ZMYM2: variants seen among roughly 807,000 people sequenced by gnomAD.
The protein encoded by ZMYM2 is zinc finger MYM-type containing 2.
Under a neutral mutation model 162.8 loss-of-function variants are expected in ZMYM2, and 56 were observed. That is an observed-to-expected ratio of 0.34 (90% CI 0.28 to 0.43). The LOEUF (loss-of-function observed/expected upper bound fraction) is 0.43. Ranked by LOEUF, ZMYM2 falls within the 20% of genes least tolerant of loss-of-function variation. ZMYM2 has a pLI of 1.00. For missense variants in ZMYM2, 1,275 were observed against 1,621.8 expected, an observed-to-expected ratio of 0.79 and a Z score of 3.67; for synonymous variants, 510 against 541.6, an observed-to-expected ratio of 0.94 and a Z score of 0.81.
chr13:20,049,191 C>T (rs1482899449), intron 12 of ZMYM2, among the ~76,000 whole-genome samples: 1 of 151,322 alleles, frequency 6.6e-6, no homozygotes, highest in East Asian at 1.9e-4. Flanking sequence ...TTTTTTCATG[C>T]TGAAAAAATA....
the ZMYM2 span, among the ~76,000 whole-genome samples, chr13:19,943,162 G>A: frequency 4.8e-4 from 73 of 152,226 alleles, no homozygotes; most frequent in South Asian, 3.7e-3. Context: ...CAACATTACA[G>A]TCATATGGCC....
intron 23 of ZMYM2, 73 bp from the exon 24 acceptor site, chr13:20,083,583 A>G: frequency 3.4e-6 from 4 of 1,190,622 alleles, no homozygotes; most frequent in Non-Finnish European, 4.7e-6. Context: ...TTGGTATAAC[A>G]GACACTAGGA....
chr13:19,904,362 G>A, the ZMYM2 span, among the ~76,000 whole-genome samples: 5 of 151,678 alleles, frequency 3.3e-5, no homozygotes, highest in Non-Finnish European at 7.4e-5. Context: ...TTCGCGACCA[G>A]CCTGGCTAAC....
intron 2 of ZMYM2, among the ~76,000 whole-genome samples, chr13:19,987,250 A>G (rs894556902): frequency 4.6e-5 from 7 of 151,934 alleles, no homozygotes; most frequent in African/African-American, 1.7e-4. Context: ...AATAATGTAA[A>G]TAAACAATGC....
At chr13:19,886,929 T>C in the ZMYM2 span, among the ~76,000 whole-genome samples, 1 of 151,706 alleles carries the variant, frequency 6.6e-6, no homozygotes, top group South Asian at 2.1e-4. Flanking sequence ...CCCAAAGTGA[T>C]GGGATTACAG....
At chr13:19,987,930 A>G (rs1006398600) in intron 2 of ZMYM2, among the ~76,000 whole-genome samples, 2 of 152,226 alleles carry the variant, frequency 1.3e-5, no homozygotes, top group Admixed American at 6.5e-5. Context: ...TTAAAGCAGT[A>G]ATAAATGTAT....
intron 12 of ZMYM2, among the ~76,000 whole-genome samples, chr13:20,040,470 G>T (rs1451303985): frequency 2.7e-4 from 41 of 151,726 alleles, no homozygotes; most frequent in Admixed American, 2.7e-3. Flanking sequence ...GTTTATTTGG[G>T]TCTTCTCTCT....
the ZMYM2 span, among the ~76,000 whole-genome samples, chr13:19,878,773 C>T: frequency 1.3e-5 from 2 of 152,232 alleles, no homozygotes; most frequent in East Asian, 1.9e-4. Flanking sequence ...CCACCTACCT[C>T]GGACTCCCAA....
the ZMYM2 span, among the ~76,000 whole-genome samples, chr13:19,939,780 C>T: frequency 6.6e-6 from 1 of 152,146 alleles, no homozygotes; most frequent in Non-Finnish European, 1.5e-5. Context: ...TTATATAGTG[C>T]TTCCAATGTA....
the ZMYM2 span, among the ~76,000 whole-genome samples, chr13:19,926,907 A>C: frequency 6.6e-6 from 1 of 152,206 alleles, no homozygotes; most frequent in South Asian, 2.1e-4. Context: ...AGCTCAAGCA[A>C]TTTGCCTGCT....
At chr13:20,005,333 T>TA (rs1270829943) in intron 5 of ZMYM2, 94 bp downstream of exon 5, 41 of 883,776 alleles carry the variant, frequency 4.6e-5, no homozygotes, top group Non-Finnish European at 6.0e-5. Context: ...ATCAGTTCCT[T>TA]AAAAATGAAT....
At chr13:20,001,889 TATA>T (rs1950417548) in intron 3 of ZMYM2, among the ~76,000 whole-genome samples, 1 of 152,248 alleles carries the variant, frequency 6.6e-6, no homozygotes, top group Non-Finnish European at 1.5e-5. Flanking sequence ...TTTAAAAAGA[TATA>T]ATACTATTGT....
At position 20,006,387 on chromosome 13, in the gene ZMYM2, T is replaced by G. The variant is rs1204899037; in HGVS notation, c.1313T>G (p.Val438Gly). Residue 438 changes from valine (V) to glycine (G), a missense_variant, in exon 6 of 25, where the codon GTC becomes GGC. Around this residue, in one of 10 missense-constraint regions of ZMYM2, gnomAD observed 276 missense variants for 311.8 expected, o/e 0.89. Coordinates refer to ENST00000610343, the MANE Select transcript of ZMYM2 (RefSeq NM_197968.4). The stretch of plus-strand genomic sequence containing the variant: ...TTTTTCTTTTAGATTCGCCATGAAG[T>G]CAGCTTTAAAAATATGACTCATAAG... ...CGKLTEIRHE[V>G]SFKNMTHKLC... The G allele has an allele frequency of 6.3e-7, 1 of 1,585,894 alleles. No individual in the cohort carries two copies. Among genetic ancestry groups the G allele is most frequent in the Non-Finnish European group, 8.6e-7 (1 of 1,165,154 alleles).
At position 19,961,436 on chromosome 13, in the gene ZMYM2, A is replaced by G. The variant is rs201463199; in HGVS notation, c.-11+1410A>G. ...CTAAATATTGCTAACTTGAATGAAT[A>G]TAACATCTCTAATGAGTTTGAAGTT... On this transcript the variant is annotated intron_variant, in intron 2 of 24. Coordinates refer to ENST00000610343, the MANE Select transcript of ZMYM2 (RefSeq NM_197968.4). 1.4e-4 allele frequency among the ~76,000 whole-genome samples: 22 copies of G among 152,358 alleles called. No individual in the cohort carries two copies. In the East Asian group the frequency reaches 1.5e-3, roughly 11 times the overall value.
chr13:19,869,913 T>C, the ZMYM2 span, among the ~76,000 whole-genome samples: 1 of 152,020 alleles, frequency 6.6e-6, no homozygotes, highest in Non-Finnish European at 1.5e-5. Flanking sequence ...CCTAAAAACT[T>C]AGTGGGTTAA....
At chr13:19,904,684 T>C in the ZMYM2 span, among the ~76,000 whole-genome samples, 2 of 152,202 alleles carry the variant, frequency 1.3e-5, no homozygotes, top group Non-Finnish European at 2.9e-5. Context: ...TGTCAACATT[T>C]TGGCAAACAA....
the ZMYM2 span, among the ~76,000 whole-genome samples, chr13:19,888,895 G>A: frequency 6.6e-6 from 1 of 152,096 alleles, no homozygotes; most frequent in Middle Eastern, 3.4e-3. Flanking sequence ...ACTGTGCCTG[G>A]CCTATTATTT....
At chr13:20,040,511 TA>T (rs1206284608) in intron 12 of ZMYM2, among the ~76,000 whole-genome samples, 2 of 151,966 alleles carry the variant, frequency 1.3e-5, no homozygotes, top group African/African-American at 2.4e-5. Context: ...GCAGTCTGTC[TA>T]TTAATCCCGC....
upstream of ZMYM2, among the ~76,000 whole-genome samples, chr13:19,958,505 C>T (rs1306407376): frequency 1.3e-5 from 2 of 151,856 alleles, no homozygotes; most frequent in Non-Finnish European, 2.9e-5. Context: ...GGCCAGGAGT[C>T]GAGGGCCGGC....
Sources: allele counts gnomAD v4.1 joint callset (sites outside exome capture counted in the v4.1 genomes callset), GRCh38; gene constraint gnomAD v4.1.1; regional missense constraint gnomAD v4.1.1; transcripts MANE v1.5; gene names NCBI Gene and HGNC (gene_info 2026-07-23, HGNC 2026-07-21).